The following CORIN variants were observed in gnomAD, a reference collection of about 807,000 sequenced individuals.
CORIN encodes the protein atrial natriuretic peptide-converting enzyme.
A neutral mutation model predicts 125.3 loss-of-function variants in CORIN; 117 were observed. That is an observed-to-expected ratio of 0.93 (90% confidence interval 0.80 to 1.09). The LOEUF (loss-of-function observed/expected upper bound fraction) is 1.09, where lower values mean the gene tolerates loss of function less well. Among genes scored for constraint, CORIN ranks in the 50% least tolerant of loss-of-function variants. The pLI is 0.00. For synonymous variants in CORIN, 450 were observed against 466.4 expected (o/e 0.96, Z 0.45); for missense variants, 1,253 against 1,306.7 (o/e 0.96, Z 0.63).
At chr4:47,623,468 T>G (rs1279815179) in intron 19 of CORIN, 103 bp downstream of exon 19, 2 of 1,248,992 alleles carry the variant, frequency 1.6e-6, no homozygotes, top group Non-Finnish European at 2.2e-6. Context: ...AGCTGTGGCT[T>G]TCGCCTGGAT....
intron 4 of CORIN, among the ~76,000 whole-genome samples, chr4:47,755,122 C>T (rs1235204723): frequency 6.6e-6 from 1 of 152,176 alleles, no homozygotes; most frequent in Non-Finnish European, 1.5e-5. Flanking sequence ...AGTAAGTTCT[C>T]ATCAGTCAGT....
At chr4:47,780,937 A>G (rs1210934307) in intron 3 of CORIN, among the ~76,000 whole-genome samples, 3 of 151,844 alleles carry the variant, frequency 2.0e-5, no homozygotes, top group Non-Finnish European at 4.4e-5. Context: ...ATGACAAAGG[A>G]AATGAAAAAG....
At chr4:47,639,275 T>A (rs891369679) in intron 16 of CORIN, among the ~76,000 whole-genome samples, 45 of 152,224 alleles carry the variant, frequency 3.0e-4, no homozygotes, top group Non-Finnish European at 6.3e-4. Flanking sequence ...TGTATAATTT[T>A]AATAGAAATG....
chr4:47,751,859 T>G (rs371289379), intron 4 of CORIN, among the ~76,000 whole-genome samples: 1 of 152,194 alleles, frequency 6.6e-6, no homozygotes, highest in South Asian at 2.1e-4. Context: ...AAGGAATAAA[T>G]TGATAATTTT....
At chr4:47,649,402 G>A (rs1224435692) in intron 13 of CORIN, among the ~76,000 whole-genome samples, 2 of 152,250 alleles carry the variant, frequency 1.3e-5, no homozygotes, top group African/African-American at 2.4e-5. Flanking sequence ...ATAAACAGCT[G>A]TCAGAAACAA....
intron 8 of CORIN, among the ~76,000 whole-genome samples, chr4:47,679,216 A>G (rs1176907420): frequency 6.6e-6 from 1 of 152,204 alleles, no homozygotes; most frequent in Non-Finnish European, 1.5e-5. Flanking sequence ...AATCATGTAT[A>G]TTATTCTCTA....
At chr4:47,732,958 C>T (rs970631819) in intron 5 of CORIN, among the ~76,000 whole-genome samples, 1 of 152,164 alleles carries the variant, frequency 6.6e-6, no homozygotes, top group Non-Finnish European at 1.5e-5. Flanking sequence ...CATGGCTCAA[C>T]TCCTTGTCTC....
At chr4:47,805,148 A>AAAAAAATAATAAT (rs796469224) in intron 2 of CORIN, among the ~76,000 whole-genome samples, 1 of 129,166 alleles carries the variant, frequency 7.7e-6, no homozygotes, top group African/African-American at 2.9e-5. Flanking sequence ...AAAAAAAAAA[A>AAAAAAATAATAAT]AATAATAATA....
intron 11 of CORIN, among the ~76,000 whole-genome samples, chr4:47,664,082 T>C (rs567016799): frequency 1.3e-5 from 2 of 152,324 alleles, no homozygotes; most frequent in African/African-American, 4.8e-5. Flanking sequence ...TCCCAACATA[T>C]GGTTTCTGCA....
In CORIN at chr4:47,825,254, CAG is replaced by C. The variant is rs1322482160; in HGVS notation, c.63+12631_63+12632del. On this transcript the variant is annotated intron_variant, in intron 1 of 21. Coordinates refer to ENST00000273857, the MANE Select transcript of CORIN (RefSeq NM_006587.4). The stretch of plus-strand genomic sequence containing the variant: ...CGGATCAGCGATGGAAAGCCAGCCT[CAG>C]AGTCTTTCCTGGCAATTATGTGGCC... 5.3e-5 allele frequency among the ~76,000 whole-genome samples: 8 copies of C among 152,322 alleles called. No homozygotes were observed. The East Asian group carries it at 1.5e-3, about 29-fold the overall frequency.
chr4:47,769,232 A>G (rs946417865), intron 3 of CORIN, among the ~76,000 whole-genome samples: 1 of 152,180 alleles, frequency 6.6e-6, no homozygotes, highest in Non-Finnish European at 1.5e-5. Flanking sequence ...GCTTTTATAC[A>G]TTAACAACAA....
chr4:47,665,052 G>T lies in CORIN; in HGVS notation c.1569C>A (p.Gly523=). Residue 523 remains glycine (G), a synonymous_variant, in exon 11 of 22, where the codon GGC becomes GGA. Transcript: ENST00000273857. The part of the protein sequence containing the change: ...ILVPKCDVNT[G]EHIPPCRALC... Reference sequence around the variant, plus strand: ...ATTACCTGCAAGGAGGGATATGCTCGCCTGTATTCACATCACATTTTGGTA... The same window carrying T: ...ATTACCTGCAAGGAGGGATATGCTCTCCTGTATTCACATCACATTTTGGTA... 6.8e-6 allele frequency: 11 copies of T among 1,609,888 alleles called. No homozygotes were observed. Among genetic ancestry groups the T allele is most frequent in the Non-Finnish European group, 9.4e-6 (11 of 1,176,308 alleles).
intron 6 of CORIN, among the ~76,000 whole-genome samples, chr4:47,690,234 A>T (rs910774278): frequency 1.4e-4 from 21 of 152,332 alleles, no homozygotes; most frequent in East Asian, 3.9e-4. Flanking sequence ...ATGGACAAGG[A>T]CAAGTCAAAG....
rs758389169 is a variant in CORIN, at chr4:47,623,744, G to A, written c.2367C>T (p.Asp789=). The part of the protein sequence containing the change: ...SKISLLCTKQ[D]CGRRPAARMN... ...TTCGGGCAGCAGGGCGGCGCCCACA[G>A]TCTACCAAGGAGCAGAAGACACAGT... Residue 789 remains aspartate, a splice_region_variant and synonymous_variant, in exon 19 of 22, where the codon GAC becomes GAT. Coordinates refer to ENST00000273857, the MANE Select transcript of CORIN (RefSeq NM_006587.4). 1.9e-6 allele frequency: 3 copies of A among 1,614,176 alleles called. No homozygotes were observed. Among genetic ancestry groups the A allele is most frequent in the Non-Finnish European group, 2.5e-6 (3 of 1,180,026 alleles).
intron 1 of CORIN, among the ~76,000 whole-genome samples, chr4:47,837,674 C>CGGGGTGGTGG (rs1368985403): frequency 2.0e-5 from 3 of 152,158 alleles, no homozygotes; most frequent in South Asian, 4.1e-4. Flanking sequence ...GCCGGGCGAC[C>CGGGGTGGTGG]GGGGTGGTGG....
chr4:47,631,417 T>C (rs1722801786), intron 16 of CORIN, among the ~76,000 whole-genome samples: 1 of 151,998 alleles, frequency 6.6e-6, no homozygotes, highest in South Asian at 2.1e-4. Flanking sequence ...GTGAATCCTA[T>C]TGTGAACTGC....
intron 3 of CORIN, among the ~76,000 whole-genome samples, chr4:47,778,807 C>T (rs1730405081): frequency 6.6e-6 from 1 of 152,174 alleles, no homozygotes; most frequent in African/African-American, 2.4e-5. Flanking sequence ...CACCAGAGCA[C>T]ATGGGAATGG....
At chr4:47,660,992 A>G (rs1233129596) in intron 12 of CORIN, among the ~76,000 whole-genome samples, 3 of 152,230 alleles carry the variant, frequency 2.0e-5, no homozygotes, top group African/African-American at 7.2e-5. Flanking sequence ...ATTATTATTC[A>G]GCCTTAAAAA....
intron 5 of CORIN, among the ~76,000 whole-genome samples, chr4:47,700,862 C>T (rs1290651225): frequency 6.6e-6 from 1 of 152,180 alleles, no homozygotes; most frequent in African/African-American, 2.4e-5. Flanking sequence ...CCTGGGTGAC[C>T]CAACACAATC....
Sources: gnomAD v4.1 joint callset for allele counts (sites outside exome capture counted in the v4.1 genomes callset) on GRCh38, gnomAD v4.1.1 for gene constraint, MANE v1.5 for transcripts, NCBI Gene and HGNC (gene_info 2026-07-23, HGNC 2026-07-21) for gene names.